The following RBPJ variants were observed in gnomAD, a reference collection of about 807,000 sequenced individuals.
RBPJ encodes the protein recombining binding protein suppressor of hairless.
A neutral mutation model predicts 67.8 loss-of-function variants in RBPJ; 9 were observed. That is an observed-to-expected ratio of 0.13 (90% CI 0.08 to 0.23). The LOEUF (loss-of-function observed/expected upper bound fraction) is 0.23, where lower values mean the gene tolerates loss of function less well. RBPJ is among the 10% of genes least tolerant of loss of function. The pLI is 1.00. For synonymous variants in RBPJ, 198 were observed against 203.3 expected (o/e 0.97, Z 0.22); for missense variants, 305 against 595.6 (o/e 0.51, Z 5.08).
At chr4:26,395,316 A>G (rs1009397099) in intron 2 of RBPJ, among the ~76,000 whole-genome samples, 3 of 152,090 alleles carry the variant, frequency 2.0e-5, no homozygotes, top group African/African-American at 7.2e-5. Flanking sequence ...TAGATGTGGT[A>G]TTGCCCGCCT....
chr4:26,169,456 C>A (rs1577429822), intron 1 of RBPJ, among the ~76,000 whole-genome samples: 1 of 152,302 alleles, frequency 6.6e-6, no homozygotes, highest in African/African-American at 2.4e-5. Flanking sequence ...GAGTACCCGG[C>A]CGTGTGAGGT....
the RBPJ span, among the ~76,000 whole-genome samples, chr4:26,124,336 G>A: frequency 6.8e-6 from 1 of 146,898 alleles, no homozygotes. Context: ...ACTTCACTTA[G>A]AATAATAATC....
At chr4:26,237,715 A>G (rs908867332) in intron 1 of RBPJ, among the ~76,000 whole-genome samples, 3 of 152,194 alleles carry the variant, frequency 2.0e-5, no homozygotes, top group Non-Finnish European at 2.9e-5. Flanking sequence ...CGGTCTCCCT[A>G]TCAGTACAAT....
At chr4:26,160,335 C>T (rs186266731), upstream of RBPJ, among the ~76,000 whole-genome samples, 1 of 152,318 alleles carries the variant, frequency 6.6e-6, no homozygotes, top group Admixed American at 6.5e-5. Flanking sequence ...GAGATGCAGT[C>T]TCCAATTAGG....
At chr4:26,231,414 CTTT>C (rs368580629) in intron 1 of RBPJ, among the ~76,000 whole-genome samples, 1 of 142,110 alleles carries the variant, frequency 7.0e-6, no homozygotes, top group Non-Finnish European at 1.5e-5. Context: ...TTTAATTGCA[CTTT>C]TTTTTTTTTT....
the RBPJ span, among the ~76,000 whole-genome samples, chr4:26,130,385 G>T: frequency 2.0e-5 from 3 of 152,102 alleles, no homozygotes; most frequent in Admixed American, 2.0e-4. Flanking sequence ...GTCCATTTTT[G>T]AATCATTCTC....
chr4:26,202,970 TAAGG>T (rs145254724), intron 1 of RBPJ, among the ~76,000 whole-genome samples: 11,500 of 138,488 alleles, frequency 0.083, 565 homozygotes, highest in East Asian at 0.23. Context: ...AGGAAGGAAA[TAAGG>T]AAGGAAGGAA....
At chr4:26,316,655 G>GAT (rs200406295), upstream of RBPJ, among the ~76,000 whole-genome samples, 107 of 110,262 alleles carry the variant, frequency 9.7e-4, no homozygotes, top group South Asian at 3.7e-3. Flanking sequence ...TACACATATT[G>GAT]ATATATATAT....
intron 2 of RBPJ, among the ~76,000 whole-genome samples, chr4:26,403,025 TAA>T (rs1733005455): frequency 1.3e-5 from 2 of 152,236 alleles, no homozygotes; most frequent in Non-Finnish European, 2.9e-5. Context: ...AGCCTTTTTA[TAA>T]GTTTGTCTTG....
At chr4:26,405,437 T>C (rs540084440) in intron 2 of RBPJ, among the ~76,000 whole-genome samples, 38 of 151,734 alleles carry the variant, frequency 2.5e-4, no homozygotes, top group African/African-American at 9.0e-4. Context: ...CTATATAATA[T>C]TGCTTAGCAA....
chr4:26,148,043 A>G, the RBPJ span, among the ~76,000 whole-genome samples: 1 of 152,326 alleles, frequency 6.6e-6, no homozygotes, highest in African/African-American at 2.4e-5. Context: ...AGATGATTCT[A>G]GTGTATACTA....
At chr4:26,149,204 C>T in the RBPJ span, among the ~76,000 whole-genome samples, 1 of 152,154 alleles carries the variant, frequency 6.6e-6, no homozygotes, top group Non-Finnish European at 1.5e-5. Flanking sequence ...GAGAAGAAAC[C>T]TGAATTAGGG....
At chr4:26,200,143 A>G (rs1334426533) in intron 1 of RBPJ, among the ~76,000 whole-genome samples, 1 of 152,204 alleles carries the variant, frequency 6.6e-6, no homozygotes, top group South Asian at 2.1e-4. Context: ...AGGAACTTAA[A>G]TCGTTGTAGA....
intron 1 of RBPJ, among the ~76,000 whole-genome samples, chr4:26,378,663 A>G (rs1442889588): frequency 1.3e-5 from 2 of 152,214 alleles, no homozygotes; most frequent in East Asian, 3.8e-4. Context: ...GCAGAATGTT[A>G]TAAAGAGAAG....
At chr4:26,257,361 G>A (rs529958389) in intron 1 of RBPJ, among the ~76,000 whole-genome samples, 3 of 152,334 alleles carry the variant, frequency 2.0e-5, no homozygotes, top group Admixed American at 6.5e-5. Context: ...CGGGCACGGC[G>A]GCTCATGCCT....
At chr4:26,397,956 A>G (rs1732313609) in intron 2 of RBPJ, among the ~76,000 whole-genome samples, 1 of 152,070 alleles carries the variant, frequency 6.6e-6, no homozygotes, top group Non-Finnish European at 1.5e-5. Context: ...AAAATGTAAA[A>G]GGCATGCTTA....
At chr4:26,117,430 A>G in the RBPJ span, among the ~76,000 whole-genome samples, 1 of 152,116 alleles carries the variant, frequency 6.6e-6, no homozygotes, top group African/African-American at 2.4e-5. Flanking sequence ...GACCCTCCAC[A>G]TGTCATATTA....
chr4:26,429,836 T>G (rs1736035274), intron 8 of RBPJ, 62 bp from the exon 9 acceptor site: 1 of 1,428,572 alleles, frequency 7.0e-7, no homozygotes, highest in East Asian at 2.4e-5. Context: ...CTTGGTAAAA[T>G]TTTCTTATCC....
At chr4:26,152,180 C>G in the RBPJ span, among the ~76,000 whole-genome samples, 1,402 of 152,326 alleles carry the variant, frequency 9.2e-3, 7 homozygotes, top group Non-Finnish European at 0.014. Context: ...TGGAGGAATA[C>G]TATCCACTCC....
Sources: allele counts gnomAD v4.1 joint callset (sites outside exome capture counted in the v4.1 genomes callset), GRCh38; gene constraint gnomAD v4.1.1; transcripts MANE v1.5; gene names NCBI Gene and HGNC (gene_info 2026-07-23, HGNC 2026-07-21).